The following DLGAP1 variants were observed in gnomAD, a reference collection of about 807,000 sequenced individuals.
DLGAP1 encodes DLG associated protein 1.
In DLGAP1, 11 loss-of-function variants were observed where a neutral mutation model predicts 90.8. The ratio of observed to expected loss-of-function variants is 0.12; its 90% CI spans 0.08 to 0.20. DLGAP1 has a LOEUF of 0.20. DLGAP1 is among the 10% of genes least tolerant of loss of function. The pLI, the probability that DLGAP1 is intolerant of heterozygous loss-of-function variation, is 1.00. For synonymous variants in DLGAP1, 558 were observed against 540.7 expected, an observed-to-expected ratio of 1.03 and a Z score of -0.44; for missense variants, 1,050 against 1,333.8, an observed-to-expected ratio of 0.79 and a Z score of 3.31.
chr18:3,693,863 T>C (rs886442286), intron 7 of DLGAP1, among the ~76,000 whole-genome samples: 12 of 152,114 alleles, frequency 7.9e-5, no homozygotes, highest in African/African-American at 2.7e-4. Context: ...TATCAGTGGC[T>C]GATGTAAGCT....
rs2068077090 is a variant in DLGAP1, at chr18:3,832,365, G to A, written c.958-18092C>T. Among the ~76,000 whole-genome samples, 2 of 152,290 alleles carry A rather than the reference G, an allele frequency of 1.3e-5. 1 individual carries two copies. Among genetic ancestry groups the A allele is most frequent in the South Asian group, 4.1e-4 (2 of 4,830 alleles). Reference sequence around the variant, plus strand: ...TTTCTTTCTTTACCTTTTTGGTGATGAGTCAAGCTGACCTGCTGGGTGAGA... The same window carrying A: ...TTTCTTTCTTTACCTTTTTGGTGATAAGTCAAGCTGACCTGCTGGGTGAGA... On this transcript the variant is annotated intron_variant, in intron 4 of 12. Transcript: ENST00000315677.
chr18:3,981,870 T>C (rs915892201), intron 3 of DLGAP1, among the ~76,000 whole-genome samples: 2 of 152,216 alleles, frequency 1.3e-5, no homozygotes, highest in African/African-American at 4.8e-5. Context: ...CTAGTGATTC[T>C]TCCCTCCTCT....
chr18:4,390,139 A>G (rs905753177), intron 1 of DLGAP1, among the ~76,000 whole-genome samples: 2 of 149,134 alleles, frequency 1.3e-5, no homozygotes, highest in African/African-American at 4.9e-5. Flanking sequence ...ATGTCCCCAT[A>G]CCATGTTGGC....
intron 1 of DLGAP1, among the ~76,000 whole-genome samples, chr18:4,431,763 C>T (rs281005): frequency 0.79 from 120,482 of 152,160 alleles, 49,417 homozygotes; most frequent in East Asian, 0.96. Context: ...GATCAAGACA[C>T]TCTGAATTTT....
chr18:4,138,024 TC>T (rs2144278363), intron 2 of DLGAP1, among the ~76,000 whole-genome samples: 1 of 152,270 alleles, frequency 6.6e-6, no homozygotes, highest in Admixed American at 6.5e-5. Context: ...CTTTAGGCTT[TC>T]CCACATATAA....
intron 5 of DLGAP1, among the ~76,000 whole-genome samples, chr18:3,778,279 A>G (rs2148092157): frequency 6.6e-6 from 1 of 152,210 alleles, no homozygotes; most frequent in Admixed American, 6.5e-5. Flanking sequence ...CGTTTCTACT[A>G]AAAATACAAA....
chr18:4,176,167 T>A (rs548320296), intron 1 of DLGAP1, among the ~76,000 whole-genome samples: 107 of 152,218 alleles, frequency 7.0e-4, no homozygotes, highest in African/African-American at 2.5e-3. Context: ...TGGTATTTTA[T>A]TCTCTTTATA....
intron 2 of DLGAP1, among the ~76,000 whole-genome samples, chr18:4,037,495 T>G (rs2074907879): frequency 1.3e-5 from 2 of 152,222 alleles, no homozygotes; most frequent in Admixed American, 1.3e-4. Flanking sequence ...GTAACAAATC[T>G]GAACATGGAT....
At chr18:4,255,828 A>C (rs976788445) in intron 1 of DLGAP1, among the ~76,000 whole-genome samples, 1 of 152,198 alleles carries the variant, frequency 6.6e-6, no homozygotes, top group Admixed American at 6.5e-5. Flanking sequence ...CATATAAAAA[A>C]GCTATTTTTA....
intron 3 of DLGAP1, among the ~76,000 whole-genome samples, chr18:3,900,354 C>T (rs2071754133): frequency 6.6e-6 from 1 of 152,240 alleles, no homozygotes; most frequent in Admixed American, 6.5e-5. Flanking sequence ...ACTATCTCTC[C>T]ACTTTCCAGC....
At chr18:3,670,039 G>C (rs1297834186) in intron 7 of DLGAP1, among the ~76,000 whole-genome samples, 1 of 152,120 alleles carries the variant, frequency 6.6e-6, no homozygotes, top group East Asian at 1.9e-4. Flanking sequence ...TGTGCGATGG[G>C]AACAAGGGAA....
chr18:3,840,848 G>A lies in DLGAP1; in HGVS notation c.958-26575C>T, dbSNP rs201043384. Among the ~76,000 whole-genome samples, 47 of 152,280 alleles carry A rather than the reference G, an allele frequency of 3.1e-4. No individual in the cohort carries two copies. The East Asian group carries it at 8.1e-3, about 26-fold the overall frequency. The stretch of plus-strand genomic sequence containing the variant: ...GTGGTAGAAAGAGCATTCAAATCTA[G>A]GTCTGTTCAACTGGAAAGCTGTCAC... On this transcript the variant is annotated intron_variant, in intron 4 of 12. Transcript: ENST00000315677.
intron 1 of DLGAP1, among the ~76,000 whole-genome samples, chr18:4,288,063 C>T (rs2079746887): frequency 7.1e-4 from 1 of 1,408 alleles, no homozygotes; most frequent in African/African-American, 2.3e-3. Flanking sequence ...GGCAGCTTGA[C>T]AAATTTTTTA....
chr18:3,618,008 G>C (rs1244371527), intron 7 of DLGAP1, among the ~76,000 whole-genome samples: 2 of 152,178 alleles, frequency 1.3e-5, no homozygotes. Context: ...TTGCCCTCCA[G>C]CCTGGGTGAC....
At chr18:4,046,112 A>G (rs948173065) in intron 2 of DLGAP1, among the ~76,000 whole-genome samples, 1 of 152,196 alleles carries the variant, frequency 6.6e-6, no homozygotes, top group African/African-American at 2.4e-5. Context: ...TAACCTGCCA[A>G]TTATACAAAG....
intron 4 of DLGAP1, among the ~76,000 whole-genome samples, chr18:3,864,280 C>A (rs866360565): frequency 1.3e-5 from 2 of 152,196 alleles, no homozygotes; most frequent in African/African-American, 4.8e-5. Context: ...TTCATCTATT[C>A]ATCTAATAAC....
At position 4,297,747 on chromosome 18, in the gene DLGAP1, C is replaced by CCTCT. The variant is rs150369573; in HGVS notation, c.-266-146464_-266-146461dup. Among the ~76,000 whole-genome samples, 10 of 151,620 alleles carry CCTCT rather than the reference C, an allele frequency of 6.6e-5. 1 individual carries two copies. In the South Asian group the frequency reaches 1.9e-3, roughly 28 times the overall value. On this transcript the variant is annotated intron_variant, in intron 1 of 12. Coordinates refer to ENST00000315677, the MANE Select transcript of DLGAP1 (RefSeq NM_004746.4). ...CTGGTATAACAGATAATTAATTTCT[C>CCTCT]CTCTCTCTCTCTCAATCTCTCTCTC...
chr18:4,105,591 T>C (rs1037823957), intron 2 of DLGAP1, among the ~76,000 whole-genome samples: 6 of 152,234 alleles, frequency 3.9e-5, no homozygotes, highest in Non-Finnish European at 7.3e-5. Context: ...TGATATAACC[T>C]TTGAACTTTT....
intron 1 of DLGAP1, among the ~76,000 whole-genome samples, chr18:4,405,579 A>G (rs2082644924): frequency 6.6e-6 from 1 of 152,156 alleles, no homozygotes; most frequent in African/African-American, 2.4e-5. Context: ...GTATATGCAT[A>G]ATGATAAAAA....
Sources: allele counts gnomAD v4.1 joint callset (sites outside exome capture counted in the v4.1 genomes callset), GRCh38; gene constraint gnomAD v4.1.1; transcripts MANE v1.5; gene names NCBI Gene and HGNC (gene_info 2026-07-23, HGNC 2026-07-21).